ELAPOR1: variants seen among roughly 807,000 people sequenced by gnomAD.
The protein encoded by ELAPOR1 is endosome-lysosome associated apoptosis and autophagy regulator 1.
Under a neutral mutation model 119.7 loss-of-function variants are expected in ELAPOR1, and 77 were observed. The observed-to-expected ratio is 0.64, with a 90% CI of 0.54 to 0.78. The LOEUF (loss-of-function observed/expected upper bound fraction) is 0.78. Ranked by LOEUF, ELAPOR1 falls within the 30% of genes least tolerant of loss-of-function variation. ELAPOR1 has a pLI of 0.00. For missense variants in ELAPOR1, 1,115 were observed against 1,270.4 expected (o/e 0.88, Z 1.86); for synonymous variants, 481 against 487.2 (o/e 0.99, Z 0.17).
chr1:109,137,052 G>A (rs1013649968), intron 1 of ELAPOR1, among the ~76,000 whole-genome samples: 5 of 152,168 alleles, frequency 3.3e-5, no homozygotes, highest in African/African-American at 1.2e-4. Flanking sequence ...AGTTTGAGGG[G>A]TGAAGGGGAC....
intron 1 of ELAPOR1, among the ~76,000 whole-genome samples, chr1:109,160,760 T>C (rs1651197668): frequency 6.6e-6 from 1 of 152,144 alleles, no homozygotes. Context: ...TAAGTGTAGA[T>C]TGTAAAATAC....
At chr1:109,126,559 C>G (rs1648794779) in intron 1 of ELAPOR1, among the ~76,000 whole-genome samples, 1 of 152,132 alleles carries the variant, frequency 6.6e-6, no homozygotes, top group Admixed American at 6.6e-5. Flanking sequence ...CAACATTCGC[C>G]TCCTGGGTTC....
At chr1:109,142,420 A>T (rs540878926) in intron 1 of ELAPOR1, among the ~76,000 whole-genome samples, 4 of 152,336 alleles carry the variant, frequency 2.6e-5, no homozygotes, top group African/African-American at 9.6e-5. Context: ...GCCCTGATTT[A>T]TAGTGTTTGC....
At chr1:109,197,436 C>T in intron 15 of ELAPOR1, 38 bp from the exon 16 acceptor site, 1 of 1,588,190 alleles carries the variant, frequency 6.3e-7, no homozygotes, top group Non-Finnish European at 8.6e-7. Context: ...TGTGACCACT[C>T]ACTTCTTCCT....
rs528263301 is a variant in ELAPOR1 at position 109,118,105 on chromosome 1, C to T, written c.153+3769C>T. On this transcript the variant is annotated intron_variant, in intron 1 of 21. Transcript: ENST00000369939. ...TTACGCCATTGTACTCCAGCCTGGG[C>T]GACAAGAATGAAACTCCGTCTCAAA... Among the ~76,000 whole-genome samples the T allele has an allele frequency of 7.4e-5, 11 of 149,592 alleles. No individual in the cohort carries two copies. The East Asian group carries it at 1.2e-3, about 16-fold the overall frequency.
intron 7 of ELAPOR1, among the ~76,000 whole-genome samples, chr1:109,181,235 G>C (rs1652676431): frequency 6.6e-6 from 1 of 152,176 alleles, no homozygotes; most frequent in African/African-American, 2.4e-5. Flanking sequence ...ATCCCAGTGA[G>C]AACATTGTAC....
At position 109,147,810 on chromosome 1, in the gene ELAPOR1, T is replaced by TTTA. The variant is rs559089756; in HGVS notation, c.154-14066_154-14064dup. On this transcript the variant is annotated intron_variant, in intron 1 of 21. Coordinates refer to ENST00000369939, the MANE Select transcript of ELAPOR1 (RefSeq NM_020775.5). Reference sequence around the variant, plus strand: ...TTTATTTTATTTTTATTTACTTTATTTTATTATTATTATTATTATTTGTTT... The same window carrying TTTA: ...TTTATTTTATTTTTATTTACTTTATTTTATTATTATTATTATTATTATTTGTTT... 8.7e-3 allele frequency among the ~76,000 whole-genome samples: 1,312 copies of TTTA among 151,044 alleles called. 19 individuals are homozygous for TTTA. The highest frequency in any genetic ancestry group is 0.029 in the African/African-American group (1,196 of 41,342).
At chr1:109,126,777 A>G (rs1363631775) in intron 1 of ELAPOR1, among the ~76,000 whole-genome samples, 3 of 152,198 alleles carry the variant, frequency 2.0e-5, no homozygotes, top group African/African-American at 4.8e-5. Flanking sequence ...GGCCTGTAGC[A>G]TGGATCTTTA....
At chr1:109,146,838 C>A (rs901166204) in intron 1 of ELAPOR1, among the ~76,000 whole-genome samples, 43 of 152,186 alleles carry the variant, frequency 2.8e-4, no homozygotes, top group African/African-American at 1.0e-3. Flanking sequence ...CTCCTGGGCT[C>A]AAGTGATCTT....
intron 7 of ELAPOR1, among the ~76,000 whole-genome samples, chr1:109,181,741 T>C (rs1180571938): frequency 6.6e-6 from 1 of 152,154 alleles, no homozygotes; most frequent in Non-Finnish European, 1.5e-5. Flanking sequence ...CTGTGCTGAA[T>C]TGGGCCTCCT....
At chr1:109,163,347 A>T (rs1021142484) in intron 2 of ELAPOR1, among the ~76,000 whole-genome samples, 1 of 152,178 alleles carries the variant, frequency 6.6e-6, no homozygotes, top group Non-Finnish European at 1.5e-5. Context: ...ACCAAAAGGG[A>T]GTGCCTGTTT....
At chr1:109,144,061 A>ATATATATATATATATATATATATATTT in intron 1 of ELAPOR1, among the ~76,000 whole-genome samples, 3 of 89,018 alleles carry the variant, frequency 3.4e-5, no homozygotes, top group African/African-American at 1.4e-4. Context: ...ATATTTATAT[A>ATATATATATATATATATATATATATTT]TTTTTTTTTT....
rs774651423 is a variant in ELAPOR1 at position 109,198,625 on chromosome 1, G to A, written c.2452G>A (p.Val818Ile). The A allele has an allele frequency of 3.4e-5, 55 of 1,613,788 alleles. No homozygotes were observed. The highest frequency in any genetic ancestry group is 2.4e-4 in the East Asian group (11 of 44,902). Reference sequence around the variant, plus strand: ...TTCTGGGAGATCAACCACCATCCGCGTCAGGTGCAGTCCACAGAAAACTGT... The same window carrying A: ...TTCTGGGAGATCAACCACCATCCGCATCAGGTGCAGTCCACAGAAAACTGT... ...CSSGRSTTIR[V>I]RCSPQKTVPG... The change falls in exon 18 of 22, where the codon GTC (valine) becomes ATC (isoleucine). Residue 818 changes from valine to isoleucine, a missense_variant. Transcript: ENST00000369939.
At chr1:109,163,547 C>T (rs562607251) in intron 2 of ELAPOR1, among the ~76,000 whole-genome samples, 21 of 148,382 alleles carry the variant, frequency 1.4e-4, no homozygotes, top group Non-Finnish European at 3.0e-4. Context: ...CACACGCGAC[C>T]ACTCCCAGCT....
chr1:109,144,061 A>ATATATTT lies in ELAPOR1; in HGVS notation c.154-17832_154-17831insATATTTT. On this transcript the variant is annotated intron_variant, in intron 1 of 21. Transcript: ENST00000369939. ...TATATATATATATATATATTTATAT[A>ATATATTT]TTTTTTTTTTTTTTTGAGATGGAGT... 4.6e-3 allele frequency among the ~76,000 whole-genome samples: 407 copies of ATATATTT among 88,904 alleles called. 7 individuals are homozygous for ATATATTT. Among genetic ancestry groups the ATATATTT allele is most frequent in the East Asian group, 0.024 (79 of 3,320 alleles). 58.3% of individuals were successfully genotyped at this position (88,904 alleles called of 152,430 possible).
At chr1:109,186,130 T>C (rs552024738) in intron 8 of ELAPOR1, among the ~76,000 whole-genome samples, 12 of 149,752 alleles carry the variant, frequency 8.0e-5, no homozygotes, top group African/African-American at 2.9e-4. Flanking sequence ...GTGCCACTAT[T>C]TTAGAAGGGT....
At chr1:109,114,858 C>T (rs1050394162) in intron 1 of ELAPOR1, among the ~76,000 whole-genome samples, 1 of 152,130 alleles carries the variant, frequency 6.6e-6, no homozygotes, top group Non-Finnish European at 1.5e-5. Flanking sequence ...CTCTCTAGTT[C>T]CTTGTTTATT....
intron 3 of ELAPOR1, among the ~76,000 whole-genome samples, chr1:109,168,307 T>C (rs532643921): frequency 1.3e-5 from 2 of 152,318 alleles, no homozygotes; most frequent in Non-Finnish European, 1.5e-5. Flanking sequence ...TGCTATGTGA[T>C]TGTGTGATTA....
At chr1:109,152,966 A>G (rs914181058) in intron 1 of ELAPOR1, among the ~76,000 whole-genome samples, 4 of 150,976 alleles carry the variant, frequency 2.6e-5, no homozygotes, top group African/African-American at 4.9e-5. Flanking sequence ...AAAAAAAAAA[A>G]AAAGAAAGAA....
Sources: allele counts gnomAD v4.1 joint callset (sites outside exome capture counted in the v4.1 genomes callset), GRCh38; gene constraint gnomAD v4.1.1; transcripts MANE v1.5; gene names NCBI Gene and HGNC (gene_info 2026-07-23, HGNC 2026-07-21).